CNTNAP3B: variants seen among roughly 807,000 people sequenced by gnomAD.
The protein encoded by CNTNAP3B is contactin associated protein family member 3B.
A neutral mutation model predicts 108.9 loss-of-function variants in CNTNAP3B; 25 were observed. The observed-to-expected ratio is 0.23, with a 90% confidence interval of 0.17 to 0.32. CNTNAP3B has a LOEUF of 0.32. CNTNAP3B is among the 10% of genes least tolerant of loss of function. The pLI, the probability that CNTNAP3B is intolerant of heterozygous loss-of-function variation, is 1.00. For synonymous variants in CNTNAP3B, 103 were observed against 473.4 expected (o/e 0.22, Z 10.16); for missense variants, 252 against 1,210.4 (o/e 0.21, Z 11.75).
chr9:42,047,164 G>A (rs1294829332), intron 3 of CNTNAP3B, among the ~76,000 whole-genome samples: 1 of 87,016 alleles, frequency 1.1e-5, no homozygotes, highest in Non-Finnish European at 2.2e-5. Flanking sequence ...GTGAGTCCCT[G>A]GGGCCGCAGT....
Position 42,057,441 on chromosome 9 carries a change from G to A in CNTNAP3B, c.390+19428C>T, listed in dbSNP as rs1827095904. Reference sequence around the variant, plus strand: ...TCTGCTCTCAAACTCCTGACCTCAGGTGATCTGCCCAACTCAGCCTCTCAA... The same window carrying A: ...TCTGCTCTCAAACTCCTGACCTCAGATGATCTGCCCAACTCAGCCTCTCAA... On this transcript the variant is annotated intron_variant, in intron 3 of 23. Coordinates refer to ENST00000377561, the MANE Select transcript of CNTNAP3B (RefSeq NM_001201380.3). Among the ~76,000 whole-genome samples, 2 of 111,070 alleles carry A rather than the reference G, an allele frequency of 1.8e-5. 1 individual carries two copies. Among genetic ancestry groups the A allele is most frequent in the South Asian group, 5.6e-4 (2 of 3,560 alleles). The allele number at this position is 111,070 out of a possible 152,430, so 72.9% of individuals were successfully genotyped here. A position where few individuals can be genotyped will look rare whatever the true frequency, so the allele number is the denominator to read the frequency against.
At chr9:42,058,368 C>T (rs1413925800) in intron 3 of CNTNAP3B, among the ~76,000 whole-genome samples, 1 of 151,454 alleles carries the variant, frequency 6.6e-6, no homozygotes, top group Non-Finnish European at 1.5e-5. Flanking sequence ...ACATCTTCAT[C>T]GACACTTGTT....
intron 3 of CNTNAP3B, among the ~76,000 whole-genome samples, chr9:42,035,729 C>A (rs1346118450): frequency 1.3e-5 from 2 of 151,014 alleles, no homozygotes; most frequent in Non-Finnish European, 2.9e-5. Context: ...ACAATCATAC[C>A]TCAGTGCAGC....
intron 3 of CNTNAP3B, among the ~76,000 whole-genome samples, chr9:42,035,755 T>C (rs1203314771): frequency 6.0e-5 from 9 of 150,890 alleles, no homozygotes; most frequent in Admixed American, 4.0e-4. Flanking sequence ...ACTCCTGGGC[T>C]TAAGCTATCC....
At chr9:42,126,989 A>T (rs1001059357) in intron 1 of CNTNAP3B, among the ~76,000 whole-genome samples, 2 of 138,938 alleles carry the variant, frequency 1.4e-5, no homozygotes, top group Non-Finnish European at 3.1e-5. Flanking sequence ...TGGTGTCTTC[A>T]TGAGAAGGAA....
chr9:42,128,973 A>T, intron 1 of CNTNAP3B, 37 bp downstream of exon 1: 9 of 1,516,066 alleles, frequency 5.9e-6, no homozygotes, highest in Non-Finnish European at 7.9e-6. Flanking sequence ...TTTTCCAGAC[A>T]GCCTAGCGCA....
At chr9:42,123,512 C>A (rs1370716731) in intron 1 of CNTNAP3B, among the ~76,000 whole-genome samples, 1 of 125,448 alleles carries the variant, frequency 8.0e-6, no homozygotes, top group African/African-American at 3.2e-5. Context: ...GGAATCCTTC[C>A]ATTTTGGTCT....
At chr9:41,967,950 A>G (rs561152572) in intron 10 of CNTNAP3B, among the ~76,000 whole-genome samples, 1 of 152,350 alleles carries the variant, frequency 6.6e-6, no homozygotes, top group East Asian at 1.9e-4. Context: ...TTTACAAGTA[A>G]CTTTGGGGTA....
intron 9 of CNTNAP3B, among the ~76,000 whole-genome samples, chr9:41,973,741 G>C (rs1346848180): frequency 1.4e-5 from 2 of 139,548 alleles, no homozygotes; most frequent in Admixed American, 1.4e-4. Context: ...AGTGCTGCTT[G>C]AAAAACACTT....
intron 18 of CNTNAP3B, among the ~76,000 whole-genome samples, chr9:41,918,111 G>A (rs973885393): frequency 6.6e-6 from 1 of 151,866 alleles, no homozygotes; most frequent in African/African-American, 2.4e-5. Flanking sequence ...TCCTTATGTG[G>A]CCAGCCTGGA....
intron 2 of CNTNAP3B, among the ~76,000 whole-genome samples, chr9:42,078,770 A>T (rs1175462431): frequency 6.8e-6 from 1 of 147,260 alleles, no homozygotes; most frequent in Non-Finnish European, 1.5e-5. Flanking sequence ...AGCAATATTT[A>T]TGTGAGCCCC....
chr9:41,924,166 A>T, intron 15 of CNTNAP3B, 73 bp from the exon 16 acceptor site: 1 of 1,605,598 alleles, frequency 6.2e-7, no homozygotes, highest in Non-Finnish European at 8.5e-7. Context: ...TTTGATACTT[A>T]CAGGATTATG....
At chr9:41,922,390 C>A (rs1157875753) in intron 17 of CNTNAP3B, among the ~76,000 whole-genome samples, 1 of 139,638 alleles carries the variant, frequency 7.2e-6, no homozygotes, top group African/African-American at 2.8e-5. Context: ...CGCTTGAACC[C>A]GGCAGGTGGA....
chr9:42,126,761 G>C (rs1273703488), intron 1 of CNTNAP3B, among the ~76,000 whole-genome samples: 1 of 135,860 alleles, frequency 7.4e-6, no homozygotes, highest in Non-Finnish European at 1.6e-5. Flanking sequence ...GTAGAGACAG[G>C]GTTTCACCAT....
intron 18 of CNTNAP3B, among the ~76,000 whole-genome samples, chr9:41,916,215 C>T (rs1460157695): frequency 2.0e-5 from 3 of 148,428 alleles, no homozygotes; most frequent in African/African-American, 7.6e-5. Context: ...TTCAGTACAG[C>T]CTTGCTGCCA....
intron 2 of CNTNAP3B, among the ~76,000 whole-genome samples, chr9:42,098,606 C>A (rs1587270885): frequency 2.7e-5 from 2 of 72,938 alleles, no homozygotes; most frequent in South Asian, 4.3e-4. Flanking sequence ...AAACCAACAG[C>A]AAAAAAAAAC....
At chr9:41,973,936 C>T (rs1226705825) in intron 9 of CNTNAP3B, among the ~76,000 whole-genome samples, 1 of 136,864 alleles carries the variant, frequency 7.3e-6, no homozygotes, top group Non-Finnish European at 1.6e-5. Context: ...CCTTTGCCTT[C>T]CAGGTTCAAG....
intron 13 of CNTNAP3B, among the ~76,000 whole-genome samples, chr9:41,943,478 G>T (rs1346868471): frequency 2.0e-5 from 3 of 151,294 alleles, no homozygotes; most frequent in African/African-American, 4.9e-5. Context: ...TCAGCCTCCC[G>T]AGTAGCTGGG....
At chr9:42,112,771 C>G (rs1261111744) in intron 1 of CNTNAP3B, among the ~76,000 whole-genome samples, 4 of 136,322 alleles carry the variant, frequency 2.9e-5, no homozygotes, top group Non-Finnish European at 6.2e-5. Context: ...GTTATAACAA[C>G]AGTATACCAA....
Sources: gnomAD v4.1 joint callset for allele counts (sites outside exome capture counted in the v4.1 genomes callset) on GRCh38, gnomAD v4.1.1 for gene constraint, MANE v1.5 for transcripts, NCBI Gene and HGNC (gene_info 2026-07-23, HGNC 2026-07-21) for gene names.